The following FRAS1 variants were observed in gnomAD, a reference collection of about 807,000 sequenced individuals.
FRAS1 encodes the protein Fraser extracellular matrix complex subunit 1.
In FRAS1, 290 loss-of-function variants were observed where a neutral mutation model predicts 435.2. The observed-to-expected ratio is 0.67, with a 90% confidence interval of 0.61 to 0.73. The LOEUF is 0.73. Ranked by LOEUF, FRAS1 falls within the 30% of genes least tolerant of loss-of-function variation. The pLI, the probability that FRAS1 is intolerant of heterozygous loss-of-function variation, is 0.00. For synonymous variants in FRAS1, 1,800 were observed against 1,851.0 expected, an observed-to-expected ratio of 0.97 and a Z score of 0.71; for missense variants, 4,860 against 5,001.5, an observed-to-expected ratio of 0.97 and a Z score of 0.85.
At chr4:78,125,633 C>T (rs1578140806) in intron 2 of FRAS1, among the ~76,000 whole-genome samples, 3 of 152,118 alleles carry the variant, frequency 2.0e-5, no homozygotes, top group Admixed American at 1.3e-4. Flanking sequence ...ACAGACAGGC[C>T]CCTCAGCTGC....
At position 78,464,463 on chromosome 4, in the gene FRAS1, C is replaced by A; in HGVS notation, c.6909C>A (p.Ile2303=). ...GVSEVTQTFH[I]TLHPVDDSLP... Reference sequence around the variant, plus strand: ...TCTAGGTGACTCAGACTTTCCATATCACTCTTCACCCTGTCGATGATTCGC... The same window carrying A: ...TCTAGGTGACTCAGACTTTCCATATAACTCTTCACCCTGTCGATGATTCGC... Residue 2303 remains isoleucine, a synonymous_variant, in exon 49 of 74, where the codon ATC becomes ATA. Transcript: ENST00000512123. The A allele has an allele frequency of 4.3e-6, 7 of 1,613,994 alleles. No individual in the cohort carries two copies. Among genetic ancestry groups the A allele is most frequent in the Non-Finnish European group, 5.9e-6 (7 of 1,179,866 alleles).
chr4:78,308,153 G>T lies in FRAS1; in HGVS notation c.1622G>T (p.Gly541Val), dbSNP rs777447173. ...GATCCCCTCCACGTGCTGAGAGATG[G>T]CGGCTGTGAGAGCAGCTGTGGAAAA... Reference protein sequence around the residue: ...CRDPLHVLRDGGCESSCGKGF... With the variant: ...CRDPLHVLRDVGCESSCGKGF... The change falls in exon 15 of 74, where the codon GGC (glycine) becomes GTC (valine). Residue 541 changes from glycine (G) to valine (V), a missense_variant. Gly to Val is a moderately radical substitution (Grantham distance 109). Coordinates refer to ENST00000512123, the MANE Select transcript of FRAS1 (RefSeq NM_025074.7). 2 of 1,613,972 alleles carry T rather than the reference G, an allele frequency of 1.2e-6. No individual in the cohort carries two copies. The highest frequency in any genetic ancestry group is 1.1e-5 in the South Asian group (1 of 91,046).
chr4:78,060,678 T>C (rs1421978690), intron 1 of FRAS1, among the ~76,000 whole-genome samples: 1 of 152,204 alleles, frequency 6.6e-6, no homozygotes, highest in African/African-American at 2.4e-5. Flanking sequence ...TAACCTTGAA[T>C]GAACCATCTA....
chr4:78,498,253 T>C (rs1204398559), intron 60 of FRAS1, among the ~76,000 whole-genome samples: 1 of 152,210 alleles, frequency 6.6e-6, no homozygotes, highest in Non-Finnish European at 1.5e-5. Context: ...CTCATGCCTG[T>C]AATCCCAGCA....
chr4:78,103,915 G>T (rs763959556), intron 2 of FRAS1, among the ~76,000 whole-genome samples: 3 of 152,328 alleles, frequency 2.0e-5, no homozygotes, highest in East Asian at 1.9e-4. Flanking sequence ...TTGCAAATCA[G>T]TAGTGCTGGT....
intron 18 of FRAS1, among the ~76,000 whole-genome samples, chr4:78,327,804 A>G (rs376977601): frequency 1.8e-4 from 27 of 152,208 alleles, no homozygotes; most frequent in Admixed American, 6.5e-5. Context: ...AGAATGATTA[A>G]GCCTCATATA....
chr4:78,181,414 C>T, intron 2 of FRAS1: 8 of 1,612,048 alleles, frequency 5.0e-6, no homozygotes, highest in Non-Finnish European at 6.8e-6. Flanking sequence ...TGTCCTCGTG[C>T]TTCAGGCCAC....
Position 78,387,028 on chromosome 4 carries a change from G to C in FRAS1, c.3649-347G>C, listed in dbSNP as rs766251484. Among the ~76,000 whole-genome samples, 41 of 152,204 alleles carry C rather than the reference G, an allele frequency of 2.7e-4. 1 individual carries two copies. Among genetic ancestry groups the C allele is most frequent in the Admixed American group, 7.2e-4 (11 of 15,302 alleles). ...TGGAGTGAAGTGTGTCCTCCCAAAG[G>C]CAAGTCCAAAAATTTCATACCTCTT... On this transcript the variant is annotated intron_variant, in intron 28 of 73. Coordinates refer to ENST00000512123, the MANE Select transcript of FRAS1 (RefSeq NM_025074.7).
rs899732114 is a variant in FRAS1, at chr4:78,542,052, T to C, written c.*928T>C. The C allele has an allele frequency of 6.6e-6, 1 of 152,218 alleles. No individual in the cohort carries two copies. Among genetic ancestry groups the C allele is most frequent in the South Asian group, 2.1e-4 (1 of 4,832 alleles). The allele number at this position is 152,218 out of a possible 1,614,324, so 9.4% of individuals were successfully genotyped here. A position where few individuals can be genotyped will look rare whatever the true frequency, so the allele number is the denominator to read the frequency against. On this transcript the variant is annotated 3_prime_UTR_variant, in exon 74 of 74. Coordinates refer to ENST00000512123, the MANE Select transcript of FRAS1 (RefSeq NM_025074.7). The stretch of plus-strand genomic sequence containing the variant: ...CCCGTTCCTGTAACAGACAATCCCA[T>C]GTCCTAGGTATGGTTTTTTATTCTG...
intron 2 of FRAS1, among the ~76,000 whole-genome samples, chr4:78,140,691 A>G (rs1405267870): frequency 1.5e-4 from 20 of 130,160 alleles, no homozygotes; most frequent in South Asian, 2.2e-4. Flanking sequence ...ATGCATATAC[A>G]TATGTGTATA....
At chr4:78,149,320 T>C (rs182366298) in intron 2 of FRAS1, among the ~76,000 whole-genome samples, 1 of 152,328 alleles carries the variant, frequency 6.6e-6, no homozygotes, top group East Asian at 1.9e-4. Flanking sequence ...AAGTTGTATT[T>C]GCTGAGGACT....
intron 35 of FRAS1, among the ~76,000 whole-genome samples, chr4:78,426,833 C>G (rs968271594): frequency 6.6e-6 from 1 of 152,278 alleles, no homozygotes; most frequent in East Asian, 1.9e-4. Flanking sequence ...CTTGCAAAAC[C>G]CTGCACCCAA....
Position 78,508,852 on chromosome 4 carries a change from AC to A in FRAS1, c.9627del (p.Tyr3209Ter). The A allele has an allele frequency of 6.2e-7, 1 of 1,613,844 alleles. No individual in the cohort carries two copies. Among genetic ancestry groups the A allele is most frequent in the African/African-American group, 1.3e-5 (1 of 75,034 alleles). On this transcript the variant is annotated frameshift_variant, in exon 63 of 74. Coordinates refer to ENST00000512123, the MANE Select transcript of FRAS1 (RefSeq NM_025074.7). LOFTEE classifies it high-confidence loss of function. ...CCCTGCGACCCTCATTTCCCCAGAT[AC>A]GCTGTCATGAAGGAGCGCTGCAGTG... ...VTPCDPHFPR[Y>X]AVMKERCSEA...
At chr4:78,092,714 G>T (rs17002933) in intron 2 of FRAS1, among the ~76,000 whole-genome samples, 1 of 152,140 alleles carries the variant, frequency 6.6e-6, no homozygotes, top group Non-Finnish European at 1.5e-5. Flanking sequence ...TGGTCCTAGG[G>T]AGACATGGGC....
At chr4:78,460,001 A>G (rs778868678) in intron 47 of FRAS1, among the ~76,000 whole-genome samples, 2 of 152,212 alleles carry the variant, frequency 1.3e-5, no homozygotes, top group African/African-American at 4.8e-5. Flanking sequence ...TGGGACTTCA[A>G]CATATGAATT....
intron 51 of FRAS1, among the ~76,000 whole-genome samples, chr4:78,470,790 G>A (rs1050767569): frequency 1.4e-4 from 22 of 152,238 alleles, no homozygotes; most frequent in Admixed American, 5.9e-4. Flanking sequence ...AATCCCCGTA[G>A]ATACTGAGGG....
intron 59 of FRAS1, among the ~76,000 whole-genome samples, chr4:78,489,915 A>G (rs995757193): frequency 6.8e-6 from 1 of 146,304 alleles, no homozygotes; most frequent in East Asian, 2.0e-4. Context: ...GACAATGTAC[A>G]TGAAATCTCA....
At chr4:78,326,298 A>G (rs36084946) in intron 18 of FRAS1, among the ~76,000 whole-genome samples, 9,933 of 152,296 alleles carry the variant, frequency 0.065, 394 homozygotes, top group Non-Finnish European at 0.089. Context: ...ACAGAGATTT[A>G]GGAAGTAAAA....
intron 30 of FRAS1, 38 bp downstream of exon 30, chr4:78,400,925 A>G (rs1578300063): frequency 6.2e-7 from 1 of 1,605,918 alleles, no homozygotes. Flanking sequence ...TCATCGTTGC[A>G]TTCAGCAGTC....
Sources: allele counts gnomAD v4.1 joint callset (sites outside exome capture counted in the v4.1 genomes callset), GRCh38; gene constraint gnomAD v4.1.1; transcripts MANE v1.5; gene names NCBI Gene and HGNC (gene_info 2026-07-23, HGNC 2026-07-21).